PNPLA4: variants seen among roughly 807,000 people sequenced by gnomAD.
PNPLA4 encodes the protein patatin-like phospholipase domain-containing protein 4.
Under a neutral mutation model 18.3 loss-of-function variants are expected in PNPLA4, and 15 were observed. The ratio of observed to expected loss-of-function variants is 0.82; its 90% CI spans 0.55 to 1.26. The LOEUF (loss-of-function observed/expected upper bound fraction) is 1.26. Among genes scored for constraint, PNPLA4 ranks in the 50% most tolerant of loss-of-function variants. The pLI is 0.00. For missense variants in PNPLA4, 229 were observed against 196.8 expected (o/e 1.16, Z -0.98); for synonymous variants, 88 against 85.6 (o/e 1.03, Z -0.16).
intron 5 of PNPLA4, among the ~76,000 whole-genome samples, chrX:7,910,173 C>T (rs1330817022): frequency 1.8e-5 from 2 of 112,185 alleles, no homozygotes; most frequent in African/African-American, 6.5e-5. Flanking sequence ...CCATTACCTT[C>T]TGCTCTATCA....
intron 1 of PNPLA4, 77 bp from the exon 2 acceptor site, chrX:7,926,209 C>T (rs1397461427): frequency 2.9e-6 from 2 of 686,925 alleles, no homozygotes; most frequent in Non-Finnish European, 4.2e-6. Flanking sequence ...TGTTGATCAT[C>T]GTTCCAAGGC....
chrX:7,899,591 T>C lies in PNPLA4; in HGVS notation c.*1095A>G, dbSNP rs1280671741. ...GTTCCCATAATAGATGTATCCAGTATATAGAACAATAGCTAAATACTCAGA... is the reference window on the plus strand; with the variant it reads ...GTTCCCATAATAGATGTATCCAGTACATAGAACAATAGCTAAATACTCAGA... On this transcript the variant is annotated 3_prime_UTR_variant, in exon 7 of 7. Coordinates refer to ENST00000381042, the MANE Select transcript of PNPLA4 (RefSeq NM_004650.3). 1 of 96,938 alleles carries C rather than the reference T, an allele frequency of 1.0e-5. No individual in the cohort carries two copies. The highest frequency in any genetic ancestry group is 3.9e-5 in the African/African-American group (1 of 25,935). 8.0% of individuals were successfully genotyped at this position (96,938 alleles called of 1,213,427 possible).
At chrX:7,925,810 C>T (rs1924373853) in intron 2 of PNPLA4, 130 bp downstream of exon 2, 1 of 521,111 alleles carries the variant, frequency 1.9e-6, no homozygotes, top group Admixed American at 4.0e-5. Context: ...AGAGAAAAGT[C>T]CTAATCCTTT....
At chrX:7,915,947 G>T (rs1405934526) in intron 4 of PNPLA4, among the ~76,000 whole-genome samples, 1 of 111,985 alleles carries the variant, frequency 8.9e-6, no homozygotes, top group African/African-American at 3.2e-5. Context: ...CACATGCAAA[G>T]AAATTCAGGA....
chrX:7,918,621 G>C (rs752202925), intron 4 of PNPLA4, among the ~76,000 whole-genome samples: 19 of 111,041 alleles, frequency 1.7e-4, no homozygotes, highest in Non-Finnish European at 3.4e-4. Context: ...CCATCATCGA[G>C]CTGCTTCAAT....
intron 5 of PNPLA4, among the ~76,000 whole-genome samples, chrX:7,910,663 T>A (rs761667900): frequency 9.1e-6 from 1 of 110,311 alleles, no homozygotes; most frequent in East Asian, 2.8e-4. Context: ...CTGGCATGTG[T>A]TAAATAGGTA....
At chrX:7,926,908 G>C (rs1301919611) in intron 1 of PNPLA4, among the ~76,000 whole-genome samples, 1 of 112,247 alleles carries the variant, frequency 8.9e-6, no homozygotes, top group Admixed American at 9.3e-5. Flanking sequence ...AGGTCTCAGG[G>C]TTTCCTTGGG....
chrX:7,923,530 C>T (rs772752016), intron 2 of PNPLA4, among the ~76,000 whole-genome samples: 34 of 111,960 alleles, frequency 3.0e-4, no homozygotes, highest in Non-Finnish European at 3.6e-4. Flanking sequence ...TAAGCCACTA[C>T]GCTGAAGGTC....
In PNPLA4 at chrX:7,922,005, T is replaced by G. The variant is rs1397677807; in HGVS notation, c.274A>C (p.Arg92=). Reference sequence around the variant, plus strand: ...TTGGGCAAAATGTACTCTGTATACCTTAGTCGGGCCATGAAGTCATAACCG... The same window carrying G: ...TTGGGCAAAATGTACTCTGTATACCGTAGTCGGGCCATGAAGTCATAACCG... ...TPGYDFMARL[R]SGMESILPPS... is the part of the protein sequence containing the mutation. The change falls in exon 3 of 7, where the codon AGA becomes CGA. Residue 92 remains arginine, a splice_region_variant and synonymous_variant. Transcript: ENST00000381042. 2 of 1,196,481 alleles carry G rather than the reference T, an allele frequency of 1.7e-6. No homozygotes were observed. The highest frequency in any genetic ancestry group is 2.3e-6 in the Non-Finnish European group (2 of 883,229).
At chrX:7,912,182 C>T in intron 4 of PNPLA4, 89 bp from the exon 5 acceptor site, 1 of 629,667 alleles carries the variant, frequency 1.6e-6, no homozygotes, top group Middle Eastern at 3.3e-4. Context: ...AGCAAAATCT[C>T]AATAAATAAG....
intron 5 of PNPLA4, among the ~76,000 whole-genome samples, chrX:7,904,862 GAGTTTTCCTGTGTGTTTGTC>G (rs1923658395): frequency 9.0e-6 from 1 of 110,830 alleles, no homozygotes; most frequent in African/African-American, 3.3e-5. Flanking sequence ...TACCCCGTTA[GAGTTTTCCTGTGTGTTTGTC>G]AGTTTTCATC....
intron 4 of PNPLA4, among the ~76,000 whole-genome samples, chrX:7,921,012 G>A (rs780643912): frequency 9.8e-5 from 11 of 112,307 alleles, no homozygotes; most frequent in Non-Finnish European, 1.9e-4. Context: ...GTTCATGCCT[G>A]TAATTCCAGC....
chrX:7,921,175 C>A (rs1365341340), intron 4 of PNPLA4, among the ~76,000 whole-genome samples: 1 of 111,329 alleles, frequency 9.0e-6, no homozygotes, highest in East Asian at 2.8e-4. Flanking sequence ...GAGGCTGAGG[C>A]AGGAGAATTG....
Position 7,921,997 on chromosome X carries a change from T to C in PNPLA4, c.275+7A>G. 8.4e-7 allele frequency: 1 copy of C among 1,192,611 alleles called. No homozygotes were observed. Among genetic ancestry groups the C allele is most frequent in the Non-Finnish European group, 1.1e-6 (1 of 878,380 alleles). ...ATGTACTTTTGGGCAAAATGTACTC[T>C]GTATACCTTAGTCGGGCCATGAAGT... On this transcript the variant is annotated splice_region_variant and intron_variant, in intron 3 of 6. Coordinates refer to ENST00000381042, the MANE Select transcript of PNPLA4 (RefSeq NM_004650.3).
At chrX:7,912,808 A>AT (rs1396192388) in intron 4 of PNPLA4, among the ~76,000 whole-genome samples, 1 of 112,143 alleles carries the variant, frequency 8.9e-6, no homozygotes, top group African/African-American at 3.2e-5. Context: ...GATACTGAAT[A>AT]TTTTTTAAGC....
At chrX:7,916,474 GGA>G (rs1213137708) in intron 4 of PNPLA4, among the ~76,000 whole-genome samples, 7 of 111,520 alleles carry the variant, frequency 6.3e-5, no homozygotes, top group Middle Eastern at 4.6e-3. Context: ...ATGGATGTCT[GGA>G]GAGTGGAGGC....
chrX:7,922,034 G>A lies in PNPLA4; in HGVS notation c.245C>T (p.Thr82Met), dbSNP rs375161440. The A allele has an allele frequency of 4.9e-5, 59 of 1,206,653 alleles. No individual in the cohort carries two copies. The highest frequency in any genetic ancestry group is 1.4e-4 in the South Asian group (8 of 56,525). The change falls in exon 3 of 7, where the codon ACG (threonine) becomes ATG (methionine). Residue 82 changes from threonine to methionine, a missense_variant. Coordinates refer to ENST00000381042, the MANE Select transcript of PNPLA4 (RefSeq NM_004650.3). ...EIRRQSFGAV[T>M]PGYDFMARLR... ...TCGGGCCATGAAGTCATAACCGGGC[G>A]TTACTGCCCCGAAAGACTGCCTTCT...
rs187918379 is a variant in PNPLA4, at chrX:7,922,377, T to C, written c.181-279A>G. Among the ~76,000 whole-genome samples the C allele has an allele frequency of 1.2e-4, 13 of 112,493 alleles. No individual in the cohort carries two copies. In the East Asian group the frequency reaches 3.6e-3, roughly 31 times the overall value. ...AAAATCCTTGAAGGCTCAATCTGAA[T>C]TTTAATTGAGCACATTCTTCAAAAG... On this transcript the variant is annotated intron_variant, in intron 2 of 6. Transcript: ENST00000381042.
rs766698654 is a variant in PNPLA4, at chrX:7,921,812, G to A, written c.312C>T (p.His104=). 3 of 1,207,804 alleles carry A rather than the reference G, an allele frequency of 2.5e-6. No individual in the cohort carries two copies. Among genetic ancestry groups the A allele is most frequent in the South Asian group, 1.8e-5 (1 of 56,851 alleles). ...CGTGCAGTCGGTTCTGGGCCAGCTC[G>A]TGAGCGCTGGGAGGAAGAATCGACT... is the stretch of plus-strand genomic sequence containing the variant. ...GMESILPPSA[H]ELAQNRLHVS... The change falls in exon 4 of 7, where the codon CAC becomes CAT. Residue 104 remains histidine, a synonymous_variant. Coordinates refer to ENST00000381042, the MANE Select transcript of PNPLA4 (RefSeq NM_004650.3).
Sources: allele counts gnomAD v4.1 joint callset (sites outside exome capture counted in the v4.1 genomes callset), GRCh38; gene constraint gnomAD v4.1.1; transcripts MANE v1.5; gene names NCBI Gene and HGNC (gene_info 2026-07-23, HGNC 2026-07-21).